Variants in MICU1 observed in about 807,000 individuals in gnomAD.
MICU1 encodes the protein mitochondrial calcium uptake 1.
MICU1 carries 45 observed loss-of-function variants against 56.8 expected under a neutral mutation model. The observed-to-expected ratio is 0.79, with a 90% CI of 0.62 to 1.02. The LOEUF (loss-of-function observed/expected upper bound fraction) is 1.02. Ranked by LOEUF, MICU1 falls within the 50% of genes least tolerant of loss-of-function variation. The pLI is 0.00. For missense variants in MICU1, 504 were observed against 587.1 expected, an observed-to-expected ratio of 0.86 and a Z score of 1.46; for synonymous variants, 186 against 195.1, an observed-to-expected ratio of 0.95 and a Z score of 0.39.
intron 1 of MICU1, among the ~76,000 whole-genome samples, chr10:72,580,470 A>AT (rs1257137836): frequency 5.9e-4 from 64 of 109,058 alleles, no homozygotes; most frequent in Non-Finnish European, 8.6e-4. Flanking sequence ...TATTTAATTA[A>AT]TTAATTTATT....
At chr10:72,499,814 A>T (rs181187414) in intron 6 of MICU1, among the ~76,000 whole-genome samples, 2 of 152,188 alleles carry the variant, frequency 1.3e-5, no homozygotes, top group Admixed American at 1.3e-4. Context: ...TAAAACTTTT[A>T]TAACATTTTC....
At chr10:72,430,314 CT>C (rs1483073336) in intron 8 of MICU1, among the ~76,000 whole-genome samples, 1 of 152,104 alleles carries the variant, frequency 6.6e-6, no homozygotes, top group Non-Finnish European at 1.5e-5. Flanking sequence ...CTCTGATAAA[CT>C]TTTGCTGAAC....
At chr10:72,500,292 A>T (rs1472787010) in intron 6 of MICU1, among the ~76,000 whole-genome samples, 5 of 7,288 alleles carry the variant, frequency 6.9e-4, no homozygotes, top group Non-Finnish European at 2.4e-3. Context: ...ATATATATAT[A>T]TATATATATA....
At chr10:72,408,620 T>C (rs1364612658) in intron 9 of MICU1, among the ~76,000 whole-genome samples, 1 of 152,180 alleles carries the variant, frequency 6.6e-6, no homozygotes, top group Non-Finnish European at 1.5e-5. Context: ...AATGAAAATA[T>C]TTCTAACTGT....
At position 72,569,423 on chromosome 10, in the gene MICU1, T is replaced by C. The variant is rs1382370531; in HGVS notation, c.-1-2629A>G. Reference sequence around the variant, plus strand: ...CTAATTTTTGCATTTTTAATAGAGATGGGGTTTCATCATGTTGGTCAGGCT... The same window carrying C: ...CTAATTTTTGCATTTTTAATAGAGACGGGGTTTCATCATGTTGGTCAGGCT... On this transcript the variant is annotated intron_variant, in intron 1 of 11. Transcript: ENST00000361114. Among the ~76,000 whole-genome samples, 3 of 150,198 alleles carry C rather than the reference T, an allele frequency of 2.0e-5. No homozygotes were observed. The East Asian group carries it at 5.9e-4, about 29-fold the overall frequency.
At chr10:72,498,588 AAAAGAAAG>A (rs377198886) in intron 6 of MICU1, among the ~76,000 whole-genome samples, 1 of 152,138 alleles carries the variant, frequency 6.6e-6, no homozygotes, top group African/African-American at 2.4e-5. Context: ...TCTGTATCAA[AAAAGAAAG>A]AAAGAAAGAA....
intron 6 of MICU1, among the ~76,000 whole-genome samples, chr10:72,484,406 AG>A (rs755885536): frequency 6.6e-5 from 10 of 150,530 alleles, no homozygotes; most frequent in Non-Finnish European, 1.2e-4. Flanking sequence ...ATGAATACCA[AG>A]GACAAAAAAA....
intron 6 of MICU1, among the ~76,000 whole-genome samples, chr10:72,495,943 GGTATTCATACTAA>G (rs1866826124): frequency 6.6e-6 from 1 of 151,744 alleles, no homozygotes; most frequent in Non-Finnish European, 1.5e-5. Context: ...GGTAAATTAT[GGTATTCATACTAA>G]GTCATCATTT....
intron 8 of MICU1, among the ~76,000 whole-genome samples, chr10:72,444,560 C>T (rs945759817): frequency 2.1e-4 from 32 of 151,148 alleles, no homozygotes; most frequent in Admixed American, 6.6e-5. Context: ...AGAGATTCTC[C>T]TGTCTCAGCC....
chr10:72,597,635 T>G (rs56735695), intron 1 of MICU1, among the ~76,000 whole-genome samples: 3,900 of 152,308 alleles, frequency 0.026, 160 homozygotes, highest in African/African-American at 0.088. Flanking sequence ...TTCAGAAGTG[T>G]ACAGTCATAA....
chr10:72,489,497 CTGATGAA>C (rs1866586236), intron 6 of MICU1, among the ~76,000 whole-genome samples: 1 of 152,024 alleles, frequency 6.6e-6, no homozygotes. Context: ...ATCCAGAGCC[CTGATGAA>C]TGGCTGCCAG....
intron 8 of MICU1, among the ~76,000 whole-genome samples, chr10:72,434,019 T>C (rs569126042): frequency 6.6e-6 from 1 of 152,140 alleles, no homozygotes; most frequent in South Asian, 2.1e-4. Flanking sequence ...ATTCCCCTTG[T>C]GGAAGGAATA....
intron 10 of MICU1, among the ~76,000 whole-genome samples, chr10:72,389,127 C>T (rs74322782): frequency 0.015 from 2,214 of 152,238 alleles, 48 homozygotes; most frequent in African/African-American, 0.049. Flanking sequence ...ACAGTGCTAC[C>T]GGATTATTAC....
chr10:72,566,860 C>T (rs1840453428), intron 1 of MICU1, 66 bp from the exon 2 acceptor site: 3 of 1,362,156 alleles, frequency 2.2e-6, no homozygotes, highest in Non-Finnish European at 3.0e-6. Context: ...GATGATGATC[C>T]TACCAACATT....
In MICU1 at chr10:72,404,215, C is replaced by CCTGG. The variant is rs536460212; in HGVS notation, c.1180+3710_1180+3713dup. 2.6e-3 allele frequency among the ~76,000 whole-genome samples: 394 copies of CCTGG among 150,970 alleles called. 3 individuals carry two copies. The highest frequency in any genetic ancestry group is 0.018 in the Middle Eastern group (5 of 280). On this transcript the variant is annotated intron_variant, in intron 10 of 11. Coordinates refer to ENST00000361114, the MANE Select transcript of MICU1 (RefSeq NM_001195518.2). ...CTGTTGGCCAGGCTGGTCTTGAACT[C>CCTGG]CTGGCCTCAAGTGATCCACCCACCT...
At chr10:72,591,403 G>T (rs61081194) in intron 1 of MICU1, among the ~76,000 whole-genome samples, 3,284 of 151,298 alleles carry the variant, frequency 0.022, 121 homozygotes, top group African/African-American at 0.076. Flanking sequence ...ATGAAAAAGA[G>T]AAAAAAATAG....
chr10:72,388,549 C>A (rs1416293511), intron 10 of MICU1, among the ~76,000 whole-genome samples: 1 of 152,070 alleles, frequency 6.6e-6, no homozygotes, highest in Non-Finnish European at 1.5e-5. Context: ...AGCTGTAGAA[C>A]CTATACCTGA....
intron 8 of MICU1, among the ~76,000 whole-genome samples, chr10:72,430,760 T>A (rs905888967): frequency 1.3e-5 from 2 of 151,812 alleles, no homozygotes; most frequent in East Asian, 1.9e-4. Context: ...GTGGTTTCAC[T>A]CCATTGGCAG....
chr10:72,470,231 AT>A, intron 8 of MICU1, among the ~76,000 whole-genome samples: 1 of 152,210 alleles, frequency 6.6e-6, no homozygotes, highest in East Asian at 1.9e-4. Context: ...ACTAAAGCCT[AT>A]ACTCTTGCTG....
Sources: gnomAD v4.1 joint callset for allele counts (sites outside exome capture counted in the v4.1 genomes callset) on GRCh38, gnomAD v4.1.1 for gene constraint, MANE v1.5 for transcripts, NCBI Gene and HGNC (gene_info 2026-07-23, HGNC 2026-07-21) for gene names.